Variants in ZNF536 observed in about 807,000 individuals in gnomAD.
ZNF536 encodes zinc finger protein 536.
Under a neutral mutation model 84.5 loss-of-function variants are expected in ZNF536, and 13 were observed. The ratio of observed to expected loss-of-function variants is 0.15; its 90% CI spans 0.10 to 0.24. The LOEUF is 0.24. ZNF536 is among the 10% of genes least tolerant of loss of function. ZNF536 has a pLI of 1.00. For synonymous variants in ZNF536, 811 were observed against 742.5 expected (o/e 1.09, Z -1.50); for missense variants, 1,536 against 1,747.5 (o/e 0.88, Z 2.16).
At chr19:30,313,152 C>T (rs2046563248) in intron 2 of ZNF536, among the ~76,000 whole-genome samples, 1 of 152,226 alleles carries the variant, frequency 6.6e-6, no homozygotes, top group Non-Finnish European at 1.5e-5. Context: ...AAGGATCTTG[C>T]CTTAGCAGGT....
At chr19:30,559,583 C>A (rs2046085587), downstream of ZNF536, among the ~76,000 whole-genome samples, 1 of 152,234 alleles carries the variant, frequency 6.6e-6, no homozygotes, top group Non-Finnish European at 1.5e-5. Context: ...CCGCTGCCCA[C>A]TTCCTGCAAA....
chr19:30,510,177 C>T (rs541680926), intron 2 of ZNF536, among the ~76,000 whole-genome samples: 3 of 151,968 alleles, frequency 2.0e-5, no homozygotes, highest in Non-Finnish European at 2.9e-5. Context: ...AATCTGTTTC[C>T]GATTACTAAC....
At chr19:30,300,583 G>A (rs1442974995) in intron 2 of ZNF536, 1 of 152,200 alleles carries the variant, frequency 6.6e-6, no homozygotes, top group Non-Finnish European at 1.5e-5. Flanking sequence ...CCGACTGGAG[G>A]TCATTTTTCC....
intron 1 of ZNF536, among the ~76,000 whole-genome samples, chr19:30,232,216 G>C (rs1467283113): frequency 6.6e-6 from 1 of 152,180 alleles, no homozygotes; most frequent in Non-Finnish European, 1.5e-5. Flanking sequence ...CTGGTGATAA[G>C]GGCTGCTGTG....
chr19:30,551,953 C>G (rs2045801416), intron 4 of ZNF536, among the ~76,000 whole-genome samples: 1 of 152,152 alleles, frequency 6.6e-6, no homozygotes. Flanking sequence ...TTGCGGGCTA[C>G]TGTGATATCC....
intron 1 of ZNF536, among the ~76,000 whole-genome samples, chr19:30,264,870 G>A (rs1385930868): frequency 6.6e-6 from 1 of 151,950 alleles, no homozygotes; most frequent in Non-Finnish European, 1.5e-5. Context: ...ACACCAGGCT[G>A]TGAGGACAGA....
At chr19:30,499,854 G>A (rs1273524518) in intron 2 of ZNF536, among the ~76,000 whole-genome samples, 3 of 152,088 alleles carry the variant, frequency 2.0e-5, no homozygotes, top group African/African-American at 7.2e-5. Flanking sequence ...CCATGTTCTG[G>A]TGGCTGCATG....
At chr19:30,311,397 A>G (rs1371123681) in intron 2 of ZNF536, among the ~76,000 whole-genome samples, 1 of 152,186 alleles carries the variant, frequency 6.6e-6, no homozygotes, top group Non-Finnish European at 1.5e-5. Flanking sequence ...AAGTTCTGAG[A>G]TTTAATATTT....
At chr19:30,681,577 C>T (rs80060789) in intron 1 of ZNF536, among the ~76,000 whole-genome samples, 3,255 of 152,320 alleles carry the variant, frequency 0.021, 65 homozygotes, top group South Asian at 0.064. Context: ...TGGATGGAGT[C>T]CTAAGGGCCC....
chr19:30,429,556 C>A (rs1415093066), intron 1 of ZNF536, among the ~76,000 whole-genome samples: 1 of 152,152 alleles, frequency 6.6e-6, no homozygotes, highest in Non-Finnish European at 1.5e-5. Context: ...GACAAATGAA[C>A]AAGATTGTTG....
intron 1 of ZNF536, among the ~76,000 whole-genome samples, chr19:30,572,992 T>A (rs1599851228): frequency 6.6e-6 from 1 of 152,078 alleles, no homozygotes; most frequent in Non-Finnish European, 1.5e-5. Flanking sequence ...AGATGGTTGC[T>A]CAGACCCACC....
At chr19:30,608,524 T>C (rs554670573) in intron 1 of ZNF536, among the ~76,000 whole-genome samples, 34 of 152,248 alleles carry the variant, frequency 2.2e-4, no homozygotes, top group Non-Finnish European at 4.0e-4. Context: ...GAAGGTTTTA[T>C]GAGGTGCCAG....
At chr19:30,357,505 C>T (rs1400667453) in intron 3 of ZNF536, among the ~76,000 whole-genome samples, 2 of 151,952 alleles carry the variant, frequency 1.3e-5, no homozygotes, top group Admixed American at 6.6e-5. Context: ...AAACCCTTTT[C>T]GGGTGCGGAG....
chr19:30,463,228 A>T (rs545666898), intron 2 of ZNF536, among the ~76,000 whole-genome samples: 1 of 152,132 alleles, frequency 6.6e-6, no homozygotes, highest in African/African-American at 2.4e-5. Flanking sequence ...ATGACCTTCA[A>T]CTTTCCTTAG....
At chr19:30,651,714 G>A (rs1170193461) in intron 1 of ZNF536, among the ~76,000 whole-genome samples, 1 of 152,126 alleles carries the variant, frequency 6.6e-6, no homozygotes, top group Admixed American at 6.5e-5. Context: ...AAGAATTGTT[G>A]GGTATCGTAT....
At chr19:30,469,849 G>A (rs1266844762) in intron 2 of ZNF536, among the ~76,000 whole-genome samples, 2 of 152,054 alleles carry the variant, frequency 1.3e-5, no homozygotes, top group Non-Finnish European at 2.9e-5. Context: ...GTTGTAGAGG[G>A]GATAGAGTGA....
At chr19:30,632,403 C>T (rs981385263) in intron 1 of ZNF536, among the ~76,000 whole-genome samples, 4 of 152,102 alleles carry the variant, frequency 2.6e-5, no homozygotes, top group African/African-American at 9.7e-5. Flanking sequence ...GTCTGGAGTT[C>T]GAGATCAGTC....
intron 2 of ZNF536, among the ~76,000 whole-genome samples, chr19:30,332,476 CG>C (rs1568338002): frequency 6.6e-6 from 1 of 152,156 alleles, no homozygotes; most frequent in African/African-American, 2.4e-5. Flanking sequence ...CCTGCTCCTC[CG>C]TCAGAACTGC....
intron 2 of ZNF536, among the ~76,000 whole-genome samples, chr19:30,292,198 G>C (rs910702486): frequency 6.6e-6 from 1 of 152,102 alleles, no homozygotes; most frequent in Non-Finnish European, 1.5e-5. Context: ...TAAGTAACTT[G>C]TACAAGTCAC....
Sources: allele counts gnomAD v4.1 joint callset (sites outside exome capture counted in the v4.1 genomes callset), GRCh38; gene constraint gnomAD v4.1.1; transcripts MANE v1.5; gene names NCBI Gene and HGNC (gene_info 2026-07-23, HGNC 2026-07-21).